The following SULT1B1 variants were observed in gnomAD, a reference collection of about 807,000 sequenced individuals.
The protein encoded by SULT1B1 is sulfotransferase 1B1.
Under a neutral mutation model 34.6 loss-of-function variants are expected in SULT1B1, and 28 were observed. The observed-to-expected ratio is 0.81, with a 90% CI of 0.60 to 1.11. The LOEUF is 1.11. SULT1B1 is among the 50% of genes least tolerant of loss of function. The pLI is 0.00. For missense variants in SULT1B1, 374 were observed against 352.2 expected (o/e 1.06, Z -0.50); for synonymous variants, 147 against 110.2 (o/e 1.33, Z -2.09).
rs1717740830 is a variant in SULT1B1 at position 69,724,299 on chromosome 4, G to C, written c.*2789C>G. Reference sequence around the variant, plus strand: ...GCTTCAAAGAGAATAAAATACCTAGGAATCCAACTTACAAGGGATGTGAAG... The same window carrying C: ...GCTTCAAAGAGAATAAAATACCTAGCAATCCAACTTACAAGGGATGTGAAG... On this transcript the variant is annotated 3_prime_UTR_variant, in exon 8 of 8. Coordinates refer to ENST00000310613, the MANE Select transcript of SULT1B1 (RefSeq NM_014465.4). The C allele has an allele frequency of 6.6e-6, 1 of 152,154 alleles. No individual in the cohort carries two copies. The highest frequency in any genetic ancestry group is 2.4e-5 in the African/African-American group (1 of 41,412). The allele number at this position is 152,154 out of a possible 1,614,324, so 9.4% of individuals were successfully genotyped here.
intron 1 of SULT1B1, among the ~76,000 whole-genome samples, chr4:69,757,352 A>G (rs920406983): frequency 6.6e-6 from 1 of 152,208 alleles, no homozygotes; most frequent in African/African-American, 2.4e-5. Flanking sequence ...AACTTTAAAG[A>G]TTGCCAATCA....
chr4:69,750,305 CTATATTTTCATT>C lies in SULT1B1; in HGVS notation c.278-499_278-488del, dbSNP rs1044743867. On this transcript the variant is annotated intron_variant, in intron 3 of 7. Coordinates refer to ENST00000310613, the MANE Select transcript of SULT1B1 (RefSeq NM_014465.4). ...TTGTATATAATATCAGCTGTTTTAT[CTATATTTTCATT>C]ATATCCTATATGTGTCATATGTCTC... Among the ~76,000 whole-genome samples the C allele has an allele frequency of 1.2e-4, 18 of 152,114 alleles. No homozygotes were observed. In the South Asian group the frequency reaches 1.7e-3, roughly 14 times the overall value.
chr4:69,752,242 T>C (rs1719011601), intron 3 of SULT1B1, among the ~76,000 whole-genome samples: 1 of 152,150 alleles, frequency 6.6e-6, no homozygotes, highest in Non-Finnish European at 1.5e-5. Context: ...TTTTCTTTTT[T>C]AAATTTGTTT....
chr4:69,746,621 T>C lies in SULT1B1; in HGVS notation c.375+3100A>G, dbSNP rs138805792. Among the ~76,000 whole-genome samples the C allele has an allele frequency of 5.9e-5, 9 of 152,336 alleles. No individual in the cohort carries two copies. In the East Asian group the frequency reaches 1.7e-3, roughly 29 times the overall value. ...TCTTTATCAGTTTTACTGTATTCCT[T>C]GGATTGGGTTTCAACCTTTTTCTAT... is the stretch of plus-strand genomic sequence containing the variant. On this transcript the variant is annotated intron_variant, in intron 4 of 7. Coordinates refer to ENST00000310613, the MANE Select transcript of SULT1B1 (RefSeq NM_014465.4).
intron 7 of SULT1B1, among the ~76,000 whole-genome samples, chr4:69,727,854 G>A (rs922693066): frequency 4.0e-5 from 6 of 151,726 alleles, no homozygotes; most frequent in Non-Finnish European, 7.4e-5. Context: ...TCTCATACTT[G>A]GGTATTTATA....
At chr4:69,742,349 C>T (rs931139129) in intron 4 of SULT1B1, among the ~76,000 whole-genome samples, 6 of 152,078 alleles carry the variant, frequency 3.9e-5, no homozygotes, top group African/African-American at 1.4e-4. Flanking sequence ...TGTGCCTCTT[C>T]CAGGTTTTGG....
rs1335247649 is a variant in SULT1B1 at position 69,722,796 on chromosome 4, A to G, written c.*4292T>C. 6.6e-6 allele frequency: 1 copy of G among 152,058 alleles called. No individual in the cohort carries two copies. The highest frequency in any genetic ancestry group is 1.5e-5 in the Non-Finnish European group (1 of 68,020). 9.4% of individuals were successfully genotyped at this position (152,058 alleles called of 1,614,324 possible). A position where few individuals can be genotyped will look rare whatever the true frequency, so the allele number is the denominator to read the frequency against. On this transcript the variant is annotated 3_prime_UTR_variant, in exon 8 of 8. Transcript: ENST00000310613. ...GATTCACCTGTGAAGTCAAAATACG[A>G]TAAGCCATAGCTACCTCAGTTGTGG...
At chr4:69,754,402 C>T (rs949122226) in intron 3 of SULT1B1, among the ~76,000 whole-genome samples, 2 of 152,052 alleles carry the variant, frequency 1.3e-5, no homozygotes. Context: ...CAAATTCTAC[C>T]AAATAAAAGT....
rs1365066374 is a variant in SULT1B1 at position 69,726,050 on chromosome 4, A to G, written c.*1038T>C. The stretch of plus-strand genomic sequence containing the variant: ...AAAATGTACATATATATATATATAT[A>G]TATATATATATATATATATATATAT... On this transcript the variant is annotated 3_prime_UTR_variant, in exon 8 of 8. Coordinates refer to ENST00000310613, the MANE Select transcript of SULT1B1 (RefSeq NM_014465.4). The G allele has an allele frequency of 1.2e-5, 1 of 80,736 alleles. No individual in the cohort carries two copies. Among genetic ancestry groups the G allele is most frequent in the Non-Finnish European group, 2.3e-5 (1 of 42,986 alleles). The allele number at this position is 80,736 out of a possible 1,614,324, so 5.0% of individuals were successfully genotyped here. A position where few individuals can be genotyped will look rare whatever the true frequency, so the allele number is the denominator to read the frequency against.
chr4:69,730,339 T>C (rs1036637201), intron 7 of SULT1B1, among the ~76,000 whole-genome samples, 162 bp downstream of exon 7: 1 of 152,178 alleles, frequency 6.6e-6, no homozygotes, highest in African/African-American at 2.4e-5. Context: ...ACATGCATTG[T>C]TTCATTTAAT....
chr4:69,745,948 T>G (rs188383937), intron 4 of SULT1B1, among the ~76,000 whole-genome samples: 1 of 152,334 alleles, frequency 6.6e-6, no homozygotes, highest in Non-Finnish European at 1.5e-5. Context: ...AAGGATTTCA[T>G]TTGTTCATCA....
At chr4:69,740,690 A>C (rs2110023252) in intron 4 of SULT1B1, among the ~76,000 whole-genome samples, 1 of 152,340 alleles carries the variant, frequency 6.6e-6, no homozygotes, top group South Asian at 2.1e-4. Flanking sequence ...CTACTCAGTA[A>C]TAGGATTGCT....
At chr4:69,757,692 T>C (rs1317758505) in intron 1 of SULT1B1, among the ~76,000 whole-genome samples, 1 of 152,224 alleles carries the variant, frequency 6.6e-6, no homozygotes, top group East Asian at 1.9e-4. Flanking sequence ...TTATCATTCA[T>C]GGGTTTTACA....
At chr4:69,749,047 C>T (rs1344985918) in intron 4 of SULT1B1, among the ~76,000 whole-genome samples, 1 of 151,656 alleles carries the variant, frequency 6.6e-6, no homozygotes, top group African/African-American at 2.4e-5. Context: ...AGATAAACAA[C>T]AGAAATAATT....
chr4:69,740,880 T>G (rs1210826339), intron 4 of SULT1B1, among the ~76,000 whole-genome samples: 1 of 152,216 alleles, frequency 6.6e-6, no homozygotes, highest in African/African-American at 2.4e-5. Context: ...ATGCAGAAAC[T>G]ATTTAATTTA....
rs2110013127 is a variant in SULT1B1 at position 69,722,873 on chromosome 4, A to T, written c.*4215T>A. The T allele has an allele frequency of 6.6e-6, 1 of 152,132 alleles. No homozygotes were observed. The highest frequency in any genetic ancestry group is 2.4e-5 in the African/African-American group (1 of 41,500). The allele number at this position is 152,132 out of a possible 1,614,324, so 9.4% of individuals were successfully genotyped here. A position where few individuals can be genotyped will look rare whatever the true frequency, so the allele number is the denominator to read the frequency against. On this transcript the variant is annotated 3_prime_UTR_variant, in exon 8 of 8. Coordinates refer to ENST00000310613, the MANE Select transcript of SULT1B1 (RefSeq NM_014465.4). ...AACCACCACCCCCACCCCTTTCAGA[A>T]CAAGTAAGGGCCCAGGGTACTGTAC...
intron 1 of SULT1B1, 95 bp from the exon 2 acceptor site, chr4:69,755,356 A>G (rs11569731): frequency 0.056 from 50,667 of 904,718 alleles, 1,523 homozygotes; most frequent in African/African-American, 0.097. Flanking sequence ...GGCCTTTAAC[A>G]TTCTGCGCAC....
intron 4 of SULT1B1, among the ~76,000 whole-genome samples, chr4:69,735,698 C>G (rs937061776): frequency 2.0e-5 from 3 of 152,100 alleles, no homozygotes; most frequent in African/African-American, 7.2e-5. Context: ...ATCAAATAAG[C>G]AAGAAAAACA....
At chr4:69,755,756 T>C (rs912975402) in intron 1 of SULT1B1, among the ~76,000 whole-genome samples, 9 of 152,128 alleles carry the variant, frequency 5.9e-5, no homozygotes, top group African/African-American at 2.2e-4. Flanking sequence ...GTGTGGTTAT[T>C]TTCATGTGTG....
Sources: gnomAD v4.1 joint callset for allele counts (sites outside exome capture counted in the v4.1 genomes callset) on GRCh38, gnomAD v4.1.1 for gene constraint, MANE v1.5 for transcripts, NCBI Gene and HGNC (gene_info 2026-07-23, HGNC 2026-07-21) for gene names.